The following PAX5 variants were observed in gnomAD, a reference collection of about 807,000 sequenced individuals.
PAX5 encodes the protein paired box protein Pax-5.
A neutral mutation model predicts 43.7 loss-of-function variants in PAX5; 9 were observed. The observed-to-expected ratio is 0.21, with a 90% CI of 0.12 to 0.36. The LOEUF (loss-of-function observed/expected upper bound fraction) is 0.36. Among genes scored for constraint, PAX5 ranks in the 10% least tolerant of loss-of-function variants. PAX5 has a pLI of 1.00. For missense variants in PAX5, 383 were observed against 532.7 expected, an observed-to-expected ratio of 0.72 and a Z score of 2.77; for synonymous variants, 228 against 214.3, an observed-to-expected ratio of 1.06 and a Z score of -0.56.
At chr9:36,874,487 C>T (rs955213612) in intron 8 of PAX5, among the ~76,000 whole-genome samples, 1 of 152,186 alleles carries the variant, frequency 6.6e-6, no homozygotes, top group African/African-American at 2.4e-5. Flanking sequence ...GGCTGGACTC[C>T]CACCCCTGGG....
intron 7 of PAX5, among the ~76,000 whole-genome samples, chr9:36,890,949 T>C (rs1284059205): frequency 6.6e-6 from 1 of 152,152 alleles, no homozygotes; most frequent in African/African-American, 2.4e-5. Flanking sequence ...GACCAGCCTG[T>C]ACAACATGGC....
intron 4 of PAX5, chr9:37,002,986 G>A: frequency 1.8e-6 from 1 of 565,046 alleles, no homozygotes; most frequent in South Asian, 2.2e-5. Flanking sequence ...TGCGATGGGG[G>A]GAGAAAGGGA....
At chr9:36,841,320 G>A (rs1241135585) in intron 9 of PAX5, among the ~76,000 whole-genome samples, 1 of 152,170 alleles carries the variant, frequency 6.6e-6, no homozygotes. Context: ...AAACCTATGG[G>A]GTAGGCACAG....
At chr9:36,926,392 G>A (rs750446567) in intron 6 of PAX5, among the ~76,000 whole-genome samples, 4 of 152,188 alleles carry the variant, frequency 2.6e-5, no homozygotes, top group African/African-American at 4.8e-5. Context: ...ATGTGTGTAC[G>A]AGGTAGAGAT....
At chr9:36,977,692 G>A (rs773891960) in intron 5 of PAX5, among the ~76,000 whole-genome samples, 3 of 152,216 alleles carry the variant, frequency 2.0e-5, no homozygotes, top group African/African-American at 4.8e-5. Context: ...CACCACACCC[G>A]GCTAATTTTT....
At chr9:36,923,208 C>T (rs1354237582) in intron 7 of PAX5, 147 bp downstream of exon 7, 1 of 911,648 alleles carries the variant, frequency 1.1e-6, no homozygotes, top group Non-Finnish European at 1.7e-6. Context: ...CTGGCCCCAG[C>T]ACCTGACCTG....
intron 5 of PAX5, among the ~76,000 whole-genome samples, chr9:36,994,315 C>G (rs1837204042): frequency 6.6e-6 from 1 of 152,188 alleles, no homozygotes; most frequent in Non-Finnish European, 1.5e-5. Flanking sequence ...CCACTAACTG[C>G]CCCCTGCATA....
intron 1 of PAX5, among the ~76,000 whole-genome samples, chr9:37,025,379 A>G (rs546691867): frequency 7.1e-6 from 1 of 141,612 alleles, no homozygotes; most frequent in African/African-American, 2.6e-5. Context: ...TTTGTTAAAT[A>G]GGGGACCTGC....
chr9:36,965,896 G>A (rs1455805252), intron 6 of PAX5, among the ~76,000 whole-genome samples: 11 of 152,168 alleles, frequency 7.2e-5, no homozygotes, highest in Admixed American at 6.5e-5. Context: ...TCACTGGGCC[G>A]AGCCTCGTGA....
intron 5 of PAX5, among the ~76,000 whole-genome samples, chr9:36,983,869 T>C (rs1005082455): frequency 6.6e-6 from 1 of 152,236 alleles, no homozygotes; most frequent in Admixed American, 6.5e-5. Context: ...CTTCCTAATT[T>C]GTCTTGCTAA....
rs1821717505 is a variant in PAX5, at chr9:36,837,438, A to G, written c.*3122T>C. 4.3e-6 allele frequency: 1 copy of G among 233,174 alleles called. No individual in the cohort carries two copies. The allele number at this position is 233,174 out of a possible 1,614,324, so 14.4% of individuals were successfully genotyped here. A position where few individuals can be genotyped will look rare whatever the true frequency, so the allele number is the denominator to read the frequency against. The stretch of plus-strand genomic sequence containing the variant: ...TAAAATCCACAATGTCCTTTTCCAA[A>G]AGTCAGAGCTCGAACACAGGGAAGA... On this transcript the variant is annotated 3_prime_UTR_variant, in exon 10 of 10. Coordinates refer to ENST00000358127, the MANE Select transcript of PAX5 (RefSeq NM_016734.3).
At chr9:36,986,442 C>A (rs1347634037) in intron 5 of PAX5, among the ~76,000 whole-genome samples, 2 of 152,048 alleles carry the variant, frequency 1.3e-5, no homozygotes, top group East Asian at 3.9e-4. Flanking sequence ...GGCTTCCTGC[C>A]GCCAATGTCA....
chr9:36,901,966 A>C (rs1335806045), intron 7 of PAX5, among the ~76,000 whole-genome samples: 1 of 152,216 alleles, frequency 6.6e-6, no homozygotes, highest in Non-Finnish European at 1.5e-5. Context: ...TTCCTTGCTC[A>C]CATTAGAATG....
chr9:36,845,256 AGGACTCCCAG>A (rs1194106240), intron 9 of PAX5, among the ~76,000 whole-genome samples: 1 of 152,190 alleles, frequency 6.6e-6, no homozygotes, highest in Non-Finnish European at 1.5e-5. Flanking sequence ...TTTCCTGGGA[AGGACTCCCAG>A]GTTTGGGCCT....
intron 6 of PAX5, among the ~76,000 whole-genome samples, chr9:36,945,946 A>G (rs757265547): frequency 3.5e-4 from 54 of 152,246 alleles, no homozygotes; most frequent in Non-Finnish European, 6.9e-4. Flanking sequence ...TATTGTTACA[A>G]AACAGCATGG....
intron 1 of PAX5, 67 bp from the exon 2 acceptor site, chr9:37,020,868 C>T (rs933982406): frequency 5.2e-6 from 8 of 1,545,240 alleles, no homozygotes; most frequent in Middle Eastern, 1.7e-4. Flanking sequence ...GGAGAAGCAC[C>T]GCTGTGAGGA....
intron 7 of PAX5, among the ~76,000 whole-genome samples, chr9:36,905,153 A>T (rs7034991): frequency 6.6e-6 from 1 of 152,078 alleles, no homozygotes; most frequent in East Asian, 1.9e-4. Flanking sequence ...TAAATCCCTC[A>T]GCAGTGTTGT....
intron 1 of PAX5, among the ~76,000 whole-genome samples, chr9:37,023,190 A>C (rs1374668826): frequency 6.6e-6 from 1 of 152,186 alleles, no homozygotes; most frequent in Admixed American, 6.5e-5. Context: ...GAGAGGGAAA[A>C]GGAATGGAGA....
rs1480904760 is a variant in PAX5, at chr9:36,864,093, A to G, written c.1013-17164T>C. On this transcript the variant is annotated intron_variant, in intron 8 of 9. Coordinates refer to ENST00000358127, the MANE Select transcript of PAX5 (RefSeq NM_016734.3). Reference sequence around the variant, plus strand: ...CGCTACATTCCAGCCTGGGCATCAGAGCGAGACTCTGTCTCCCCCCGCCCC... The same window carrying G: ...CGCTACATTCCAGCCTGGGCATCAGGGCGAGACTCTGTCTCCCCCCGCCCC... Among the ~76,000 whole-genome samples the G allele has an allele frequency of 4.6e-5, 7 of 152,318 alleles. No individual in the cohort carries two copies. In the East Asian group the frequency reaches 1.3e-3, roughly 29 times the overall value.
Sources: gnomAD v4.1 joint callset for allele counts (sites outside exome capture counted in the v4.1 genomes callset) on GRCh38, gnomAD v4.1.1 for gene constraint, MANE v1.5 for transcripts, NCBI Gene and HGNC (gene_info 2026-07-23, HGNC 2026-07-21) for gene names.